Variants in CELF2 observed in about 807,000 individuals in gnomAD.
CELF2 encodes CUGBP Elav-like family member 2, also known as CUG triplet repeat RNA-binding protein 2.
CELF2 carries 8 observed loss-of-function variants against 62.6 expected under a neutral mutation model. The ratio of observed to expected loss-of-function variants is 0.13; its 90% CI spans 0.07 to 0.23. The LOEUF is 0.23. Among genes scored for constraint, CELF2 ranks in the 10% least tolerant of loss-of-function variants. CELF2 has a pLI of 1.00. For missense variants in CELF2, 333 were observed against 671.0 expected, an observed-to-expected ratio of 0.50 and a Z score of 5.56; for synonymous variants, 258 against 250.0, an observed-to-expected ratio of 1.03 and a Z score of -0.30.
chr10:10,879,527 C>T (rs1275216550), intron 1 of CELF2, among the ~76,000 whole-genome samples: 3 of 152,202 alleles, frequency 2.0e-5, no homozygotes, highest in African/African-American at 7.2e-5. Flanking sequence ...TGAATTTACA[C>T]ATACCTTACC....
the CELF2 span, among the ~76,000 whole-genome samples, chr10:10,653,903 C>A: frequency 6.6e-6 from 1 of 151,730 alleles, no homozygotes; most frequent in Non-Finnish European, 1.5e-5. Flanking sequence ...CACAAAAAAC[C>A]CTTCAAAACA....
At chr10:10,729,589 A>G in the CELF2 span, among the ~76,000 whole-genome samples, 7 of 152,130 alleles carry the variant, frequency 4.6e-5, no homozygotes, top group African/African-American at 1.4e-4. Flanking sequence ...CCTGGGCAAC[A>G]GAGCAAGACT....
At chr10:11,021,439 G>C (rs1282014282) in intron 1 of CELF2, among the ~76,000 whole-genome samples, 1 of 152,112 alleles carries the variant, frequency 6.6e-6, no homozygotes, top group African/African-American at 2.4e-5. Flanking sequence ...GTGGTTCTAA[G>C]GACATCATTG....
rs1400132938 is a variant in CELF2 at position 11,318,686 on chromosome 10, AAG to A, written c.1097-2497_1097-2496del. 4.5e-6 allele frequency: 2 copies of A among 442,386 alleles called. No individual in the cohort carries two copies. Among genetic ancestry groups the A allele is most frequent in the African/African-American group, 4.1e-5 (2 of 49,016 alleles). The allele number at this position is 442,386 out of a possible 1,614,324, so 27.4% of individuals were successfully genotyped here. A position where few individuals can be genotyped will look rare whatever the true frequency, so the allele number is the denominator to read the frequency against. On this transcript the variant is annotated intron_variant, in intron 10 of 12. Coordinates refer to ENST00000633077, the MANE Select transcript of CELF2 (RefSeq NM_001326342.2). The surrounding 1 kb of genome is among the most constrained non-coding windows in gnomAD (Gnocchi z 5.4). ...GAGCTGTGTTCTGCTTCTGCATTGTAAGAGAGAAACATTTTTGGCAAAAAGGA... is the reference window on the plus strand; with the variant it reads ...GAGCTGTGTTCTGCTTCTGCATTGTAAGAGAAACATTTTTGGCAAAAAGGA...
intron 3 of CELF2, among the ~76,000 whole-genome samples, chr10:11,234,663 CAGTG>C (rs1174612435): frequency 1.7e-4 from 19 of 113,650 alleles, no homozygotes; most frequent in Admixed American, 3.7e-4. Flanking sequence ...GCCTGGGTGA[CAGTG>C]AGACTCCATC....
Position 11,319,673 on chromosome 10 carries a change from C to A in CELF2, c.1097-1516C>A, listed in dbSNP as rs368619231. 4 of 424,054 alleles carry A rather than the reference C, an allele frequency of 9.4e-6. No homozygotes were observed. Among genetic ancestry groups the A allele is most frequent in the East Asian group, 7.1e-5 (1 of 14,064 alleles). The allele number at this position is 424,054 out of a possible 1,614,324, so 26.3% of individuals were successfully genotyped here. The stretch of plus-strand genomic sequence containing the variant: ...TCAGGAGGCTGCCACTCCATTCTCA[C>A]GCCATTCACACTCGTCTCGCCACCC... On this transcript the variant is annotated intron_variant, in intron 10 of 12. Coordinates refer to ENST00000633077, the MANE Select transcript of CELF2 (RefSeq NM_001326342.2). The surrounding 1 kb of genome is among the most constrained non-coding windows in gnomAD (Gnocchi z 4.4).
chr10:11,111,764 ACGCCGAAACTCAG>A (rs1242477536), intron 1 of CELF2, among the ~76,000 whole-genome samples: 1 of 152,242 alleles, frequency 6.6e-6, no homozygotes, highest in East Asian at 1.9e-4. Flanking sequence ...CACGTTGGAT[ACGCCGAAACTCAG>A]CGTGTTTCCA....
intron 1 of CELF2, among the ~76,000 whole-genome samples, chr10:11,149,599 C>T (rs1264584777): frequency 6.6e-6 from 1 of 152,196 alleles, no homozygotes; most frequent in Non-Finnish European, 1.5e-5. Context: ...AGGGTGGCGT[C>T]AGGACACATT....
the CELF2 span, among the ~76,000 whole-genome samples, chr10:10,507,496 T>C: frequency 6.6e-6 from 1 of 152,062 alleles, no homozygotes; most frequent in East Asian, 1.9e-4. Flanking sequence ...ATACTAAGGA[T>C]TGGGGCTGGG....
chr10:10,671,147 T>G, the CELF2 span, among the ~76,000 whole-genome samples: 1 of 126,962 alleles, frequency 7.9e-6, no homozygotes, highest in African/African-American at 3.1e-5. Flanking sequence ...ACCTGGGTGA[T>G]ACTGTGAGAT....
At position 10,957,379 on chromosome 10, in the gene CELF2, A is replaced by T. The variant is rs1004784133; in HGVS notation, c.89+37380A>T. Reference sequence around the variant, plus strand: ...TCTGGGATTCATTCGCTCTCGCTGAAGGATGATCTCAGATGCCTTCTGTTT... The same window carrying T: ...TCTGGGATTCATTCGCTCTCGCTGATGGATGATCTCAGATGCCTTCTGTTT... On this transcript the variant is annotated intron_variant, in intron 2 of 13. Coordinates refer to the CELF2 transcript ENST00000636488. The surrounding 1 kb of genome is among the most constrained non-coding windows in gnomAD (Gnocchi z 4.1). Among the ~76,000 whole-genome samples, 1 of 152,202 alleles carries T rather than the reference A, an allele frequency of 6.6e-6. No homozygotes were observed. The highest frequency in any genetic ancestry group is 1.5e-5 in the Non-Finnish European group (1 of 68,048).
chr10:10,666,755 G>C, the CELF2 span, among the ~76,000 whole-genome samples: 1 of 121,248 alleles, frequency 8.2e-6, no homozygotes, highest in East Asian at 2.1e-4. Context: ...CCAGCTACTC[G>C]GGAGGCTGAG....
At chr10:10,528,833 C>T in the CELF2 span, among the ~76,000 whole-genome samples, 1 of 152,162 alleles carries the variant, frequency 6.6e-6, no homozygotes, top group Non-Finnish European at 1.5e-5. Flanking sequence ...AGAATTTGTC[C>T]TCTAAAACTT....
chr10:10,607,599 T>C, the CELF2 span, among the ~76,000 whole-genome samples: 1 of 152,222 alleles, frequency 6.6e-6, no homozygotes, highest in Non-Finnish European at 1.5e-5. Context: ...CTGTGAATTT[T>C]AGAACAAGGT....
At chr10:10,512,136 G>A in the CELF2 span, among the ~76,000 whole-genome samples, 5 of 152,178 alleles carry the variant, frequency 3.3e-5, no homozygotes, top group East Asian at 1.9e-4. Context: ...CTCCTTGCTC[G>A]AGGGTATAAA....
chr10:11,291,269 A>C (rs1313201932), intron 9 of CELF2, among the ~76,000 whole-genome samples: 1 of 152,124 alleles, frequency 6.6e-6, no homozygotes, highest in Non-Finnish European at 1.5e-5. Flanking sequence ...CCAAACTGTT[A>C]ATTTTTTTAA....
chr10:11,021,748 T>C (rs1047347216), intron 1 of CELF2, among the ~76,000 whole-genome samples: 1 of 152,132 alleles, frequency 6.6e-6, no homozygotes, highest in African/African-American at 2.4e-5. Context: ...AGTGAACACA[T>C]GTGGGGTGGC....
chr10:11,236,815 T>C (rs573104990), intron 3 of CELF2, among the ~76,000 whole-genome samples: 1 of 152,276 alleles, frequency 6.6e-6, no homozygotes, highest in Admixed American at 6.5e-5. Flanking sequence ...TGTACGTGCA[T>C]GAGAAGGGTC....
the CELF2 span, among the ~76,000 whole-genome samples, chr10:10,558,629 C>T: frequency 1.3e-5 from 2 of 151,918 alleles, no homozygotes; most frequent in Admixed American, 6.6e-5. Context: ...CCTCCTTGTA[C>T]CTCTGGTAGA....
Sources: gnomAD v4.1 joint callset for allele counts (sites outside exome capture counted in the v4.1 genomes callset) on GRCh38, gnomAD v4.1.1 for gene constraint, Gnocchi (gnomAD v3.1) non-coding constraint, MANE v1.5 for transcripts, NCBI Gene and HGNC (gene_info 2026-07-23, HGNC 2026-07-21) for gene names.